Variants in QTRT2 observed in about 807,000 individuals in gnomAD.
QTRT2 encodes the protein queuine tRNA-ribosyltransferase accessory subunit 2.
QTRT2 carries 32 observed loss-of-function variants against 44.8 expected under a neutral mutation model. The ratio of observed to expected loss-of-function variants is 0.71; its 90% CI spans 0.54 to 0.96. The LOEUF (loss-of-function observed/expected upper bound fraction) is 0.96. QTRT2 is among the 40% of genes least tolerant of loss of function. The pLI, the probability that QTRT2 is intolerant of heterozygous loss-of-function variation, is 0.00. For synonymous variants in QTRT2, 182 were observed against 187.4 expected (o/e 0.97, Z 0.24); for missense variants, 461 against 503.1 (o/e 0.92, Z 0.80).
chr3:114,060,350 T>C (rs1219391931), intron 2 of QTRT2, among the ~76,000 whole-genome samples: 4 of 152,210 alleles, frequency 2.6e-5, no homozygotes, highest in Non-Finnish European at 5.9e-5. Flanking sequence ...TAGAGAATCC[T>C]TGTGTCCAAC....
Position 114,073,102 on chromosome 3 carries a change from T to G in QTRT2, c.546+2264T>G, listed in dbSNP as rs149688473. On this transcript the variant is annotated intron_variant, in intron 6 of 9. Coordinates refer to ENST00000281273, the MANE Select transcript of QTRT2 (RefSeq NM_024638.4). ...AAATAATTAGAGGAAACATAGTTAT[T>G]CTGAATAGAATTCACAGTATATGTA... is the stretch of plus-strand genomic sequence containing the variant. Among the ~76,000 whole-genome samples the G allele has an allele frequency of 2.0e-4, 30 of 152,338 alleles. 1 individual carries two copies. The highest frequency in any genetic ancestry group is 7.2e-4 in the Admixed American group (11 of 15,302).
chr3:114,068,370 C>T (rs1349175317), intron 5 of QTRT2: 5 of 279,992 alleles, frequency 1.8e-5, no homozygotes, highest in Non-Finnish European at 2.8e-5. Context: ...AGTCTTTCGG[C>T]GCCATGCTTT....
intron 7 of QTRT2, chr3:114,078,946 T>C (rs1359090243): frequency 6.6e-6 from 1 of 152,222 alleles, no homozygotes; most frequent in African/African-American, 2.4e-5. Context: ...TTAGATCCTA[T>C]GGCCAGAGGT....
At chr3:114,063,563 A>T (rs1009009863) in intron 2 of QTRT2, among the ~76,000 whole-genome samples, 3 of 151,934 alleles carry the variant, frequency 2.0e-5, no homozygotes, top group African/African-American at 7.2e-5. Flanking sequence ...AATGACACTT[A>T]TTTGTATGTT....
intron 9 of QTRT2, among the ~76,000 whole-genome samples, chr3:114,085,332 C>T (rs1427765197): frequency 6.6e-6 from 1 of 152,116 alleles, no homozygotes. Flanking sequence ...CTCAGCCTCC[C>T]GAGTAGCTGG....
chr3:114,065,767 G>A (rs767867535), intron 3 of QTRT2, among the ~76,000 whole-genome samples: 7 of 152,128 alleles, frequency 4.6e-5, no homozygotes, highest in Admixed American at 1.3e-4. Flanking sequence ...TTCAGGAGCT[G>A]TTATCATGCA....
chr3:114,075,132 A>C (rs1366584800), intron 6 of QTRT2, among the ~76,000 whole-genome samples: 2 of 152,234 alleles, frequency 1.3e-5, no homozygotes, highest in Non-Finnish European at 2.9e-5. Flanking sequence ...TAAGACGTTG[A>C]AATGATTTTT....
intron 4 of QTRT2, 126 bp downstream of exon 4, chr3:114,066,409 A>T (rs1294280207): frequency 1.6e-6 from 1 of 616,440 alleles, no homozygotes. Flanking sequence ...TTATTTGAAC[A>T]TCTAAGAGCC....
intron 6 of QTRT2, among the ~76,000 whole-genome samples, chr3:114,072,912 A>G (rs1268906530): frequency 6.6e-6 from 1 of 152,214 alleles, no homozygotes; most frequent in Non-Finnish European, 1.5e-5. Flanking sequence ...AGGGAACAGA[A>G]GATAGTGATC....
chr3:114,069,661 T>C (rs1272229793), intron 5 of QTRT2, among the ~76,000 whole-genome samples: 1 of 152,198 alleles, frequency 6.6e-6, no homozygotes, highest in Non-Finnish European at 1.5e-5. Context: ...GACATTTAGG[T>C]TGATTGCATG....
chr3:114,066,919 C>T (rs1348139950), intron 4 of QTRT2, among the ~76,000 whole-genome samples: 1 of 152,166 alleles, frequency 6.6e-6, no homozygotes, highest in Non-Finnish European at 1.5e-5. Context: ...TAATATTATC[C>T]TTTATTCCAG....
intron 4 of QTRT2, among the ~76,000 whole-genome samples, chr3:114,066,987 G>A (rs2076962291): frequency 6.6e-6 from 1 of 152,194 alleles, no homozygotes; most frequent in South Asian, 2.1e-4. Context: ...AAGCTTAGCA[G>A]TGACAGCTAG....
chr3:114,083,311 CTGCTGT>C (rs1247824476), intron 9 of QTRT2, among the ~76,000 whole-genome samples: 17 of 84,908 alleles, frequency 2.0e-4, no homozygotes, highest in Non-Finnish European at 3.9e-4. Context: ...GCTGTTGCTG[CTGCTGT>C]TGTTGTTGTT....
At chr3:114,076,985 G>C (rs1241435484) in intron 7 of QTRT2, 43 bp downstream of exon 7, 1 of 1,570,806 alleles carries the variant, frequency 6.4e-7, no homozygotes, top group Non-Finnish European at 8.8e-7. Flanking sequence ...AAGGGATGCA[G>C]GGAAGGAGTG....
rs2076976704 is a variant in QTRT2, at chr3:114,068,003, C to CT, written c.275dup (p.Leu92PhefsTer61). On this transcript the variant is annotated frameshift_variant, in exon 5 of 10. Transcript: ENST00000281273. LOFTEE classifies it high-confidence loss of function. ...TTTATACAGGCATGCCAGAATCACT[C>CT]TTGTACTGCTCCCTGCACGATCCAG... 1 of 1,613,614 alleles carries CT rather than the reference C, an allele frequency of 6.2e-7. No homozygotes were observed. Among genetic ancestry groups the CT allele is most frequent in the African/African-American group, 1.3e-5 (1 of 74,854 alleles).
chr3:114,080,473 C>T (rs1420519769), intron 8 of QTRT2, among the ~76,000 whole-genome samples: 2 of 152,106 alleles, frequency 1.3e-5, no homozygotes, highest in Non-Finnish European at 2.9e-5. Flanking sequence ...TCCTCTGATC[C>T]TAGTGTTACT....
intron 2 of QTRT2, among the ~76,000 whole-genome samples, chr3:114,059,596 C>T (rs1315521485): frequency 1.3e-5 from 2 of 149,462 alleles, no homozygotes; most frequent in Non-Finnish European, 3.0e-5. Context: ...TCTTCTAGCT[C>T]TGGACAAAAT....
intron 8 of QTRT2, among the ~76,000 whole-genome samples, chr3:114,081,675 C>T (rs1354333138): frequency 1.3e-5 from 2 of 152,128 alleles, no homozygotes; most frequent in African/African-American, 2.4e-5. Context: ...TGACCTCAGG[C>T]GATCCTCCTG....
chr3:114,085,741 C>T lies in QTRT2; in HGVS notation c.1085C>T (p.Ala362Val), dbSNP rs367819580. The T allele has an allele frequency of 5.6e-5, 90 of 1,614,074 alleles. No individual in the cohort carries two copies. Among genetic ancestry groups the T allele is most frequent in the Non-Finnish European group, 7.3e-5 (86 of 1,180,040 alleles). The stretch of plus-strand genomic sequence containing the variant: ...TACTGCTGTAAGAATCACACTCGGG[C>T]ATACATCCACCATCTGCTGGTGACC... Reference protein sequence around the residue: ...SCYCCKNHTRAYIHHLLVTNE... With the variant: ...SCYCCKNHTRVYIHHLLVTNE... Residue 362 changes from alanine (A) to valine (V), a missense_variant, in exon 10 of 10, where the codon GCA becomes GTA. Coordinates refer to ENST00000281273, the MANE Select transcript of QTRT2 (RefSeq NM_024638.4).
Sources: allele counts gnomAD v4.1 joint callset (sites outside exome capture counted in the v4.1 genomes callset), GRCh38; gene constraint gnomAD v4.1.1; transcripts MANE v1.5; gene names NCBI Gene and HGNC (gene_info 2026-07-23, HGNC 2026-07-21).